The following TAFA5 variants were observed in gnomAD, a reference collection of about 807,000 sequenced individuals.
The protein encoded by TAFA5 is chemokine-like protein TAFA-5.
TAFA5 carries 6 observed loss-of-function variants against 15.3 expected under a neutral mutation model. The ratio of observed to expected loss-of-function variants is 0.39; its 90% CI spans 0.21 to 0.77. TAFA5 has a LOEUF of 0.77. Ranked by LOEUF, TAFA5 falls within the 30% of genes least tolerant of loss-of-function variation. The probability of loss-of-function intolerance (pLI) is 0.41; values close to 1 mark genes in which losing one functional copy is unlikely to be tolerated. For missense variants in TAFA5, 161 were observed against 193.1 expected, an observed-to-expected ratio of 0.83 and a Z score of 0.98; for synonymous variants, 103 against 80.7, an observed-to-expected ratio of 1.28 and a Z score of -1.48.
At chr22:48,686,796 T>C (rs971689176) in intron 2 of TAFA5, among the ~76,000 whole-genome samples, 1 of 149,404 alleles carries the variant, frequency 6.7e-6, no homozygotes, top group South Asian at 2.1e-4. Flanking sequence ...GGTAGACAAG[T>C]GGATGGATGG....
chr22:48,583,888 G>A (rs1182209440), intron 1 of TAFA5, among the ~76,000 whole-genome samples: 7 of 123,900 alleles, frequency 5.6e-5, no homozygotes, highest in Non-Finnish European at 6.8e-5. Context: ...ATACACACAC[G>A]CCACACACCA....
intron 1 of TAFA5, among the ~76,000 whole-genome samples, chr22:48,558,610 G>GT (rs1923120224): frequency 6.6e-6 from 1 of 152,244 alleles, no homozygotes; most frequent in Admixed American, 6.5e-5. Flanking sequence ...CTTCATTGCT[G>GT]TGGAATATTC....
At chr22:48,624,046 T>C (rs1197402151) in intron 1 of TAFA5, among the ~76,000 whole-genome samples, 1 of 152,218 alleles carries the variant, frequency 6.6e-6, no homozygotes, top group Admixed American at 6.5e-5. Flanking sequence ...CACGTGGTAT[T>C]ATTAGTTGTC....
intron 1 of TAFA5, among the ~76,000 whole-genome samples, chr22:48,574,216 G>A (rs939821621): frequency 1.3e-5 from 2 of 152,256 alleles, no homozygotes; most frequent in East Asian, 1.9e-4. Flanking sequence ...TGCTTGGCTG[G>A]TGTGAGGCTG....
chr22:48,627,472 A>T (rs908937066), intron 1 of TAFA5, among the ~76,000 whole-genome samples: 60 of 152,364 alleles, frequency 3.9e-4, no homozygotes, highest in African/African-American at 1.4e-3. Flanking sequence ...GCACGCAAAG[A>T]GTGCCTGTGA....
chr22:48,586,049 G>C (rs1924346932), intron 1 of TAFA5, among the ~76,000 whole-genome samples: 1 of 152,228 alleles, frequency 6.6e-6, no homozygotes, highest in Non-Finnish European at 1.5e-5. Context: ...TGCCCCTGCA[G>C]CCTTGTCCCC....
At chr22:48,542,012 G>T (rs1277644586) in intron 1 of TAFA5, among the ~76,000 whole-genome samples, 1 of 152,178 alleles carries the variant, frequency 6.6e-6, no homozygotes, top group East Asian at 1.9e-4. Flanking sequence ...AGCCGCTGTG[G>T]TTCTTGTCAC....
At chr22:48,678,384 A>G (rs1928044106) in intron 2 of TAFA5, among the ~76,000 whole-genome samples, 1 of 152,224 alleles carries the variant, frequency 6.6e-6, no homozygotes, top group South Asian at 2.1e-4. Flanking sequence ...TGCGGGGCAA[A>G]GACACAGGCC....
At chr22:48,527,723 C>T (rs925401385) in intron 1 of TAFA5, among the ~76,000 whole-genome samples, 1 of 152,228 alleles carries the variant, frequency 6.6e-6, no homozygotes, top group Admixed American at 6.5e-5. Context: ...CTGTGGGCCT[C>T]TGCCCTAGCT....
chr22:48,555,479 C>T (rs978299077), intron 1 of TAFA5, among the ~76,000 whole-genome samples: 1 of 152,232 alleles, frequency 6.6e-6, no homozygotes, highest in African/African-American at 2.4e-5. Flanking sequence ...TCCTGACTCT[C>T]ACTCTGACAA....
chr22:48,502,003 AG>A (rs1920954983), intron 1 of TAFA5, among the ~76,000 whole-genome samples: 1 of 152,196 alleles, frequency 6.6e-6, no homozygotes, highest in Non-Finnish European at 1.5e-5. Context: ...TTAAAGCTGG[AG>A]GGGCCGGTGA....
intron 1 of TAFA5, among the ~76,000 whole-genome samples, chr22:48,512,079 G>A (rs1383932104): frequency 2.0e-5 from 3 of 152,168 alleles, no homozygotes; most frequent in Non-Finnish European, 4.4e-5. Context: ...AGGGGCCCTC[G>A]CCACCCGATT....
chr22:48,707,819 C>T lies in TAFA5; in HGVS notation c.365C>T (p.Pro122Leu), dbSNP rs759247533. The change falls in exon 3 of 4, where the codon CCC (proline) becomes CTC (leucine). Residue 122 changes from proline (P) to leucine (L), a missense_variant. Transcript: ENST00000402357. ...INRSGWTCTQ[P>L]GGRIKTTTVS is the part of the protein sequence containing the mutation. ...CGGTCAGGCTGGACGTGCACGCAGC[C>T]CGGCGGGAGGATAAAGACCACCACG... 6.2e-7 allele frequency: 1 copy of T among 1,613,640 alleles called. No individual in the cohort carries two copies. Among genetic ancestry groups the T allele is most frequent in the Admixed American group, 1.7e-5 (1 of 60,022 alleles).
chr22:48,540,329 G>T (rs1922319834), intron 1 of TAFA5, among the ~76,000 whole-genome samples: 1 of 152,056 alleles, frequency 6.6e-6, no homozygotes, highest in Non-Finnish European at 1.5e-5. Context: ...CTGGGTGGAA[G>T]CCTGGAAAAC....
chr22:48,650,638 G>A (rs17764112), intron 2 of TAFA5, among the ~76,000 whole-genome samples: 27,400 of 152,208 alleles, frequency 0.18, 3,129 homozygotes, highest in Non-Finnish European at 0.24. Context: ...CTGAGCTAAA[G>A]CATTTCTGGG....
At chr22:48,549,265 AG>A (rs1443240197) in intron 1 of TAFA5, among the ~76,000 whole-genome samples, 1 of 152,232 alleles carries the variant, frequency 6.6e-6, no homozygotes, top group African/African-American at 2.4e-5. Flanking sequence ...CTTCCAGCCC[AG>A]GCCTGATGTT....
chr22:48,685,694 C>T (rs186065065), intron 2 of TAFA5, among the ~76,000 whole-genome samples: 199 of 152,026 alleles, frequency 1.3e-3, no homozygotes, highest in Non-Finnish European at 1.8e-3. Context: ...TCTGGGCTCT[C>T]CTTGGCCTAT....
intron 1 of TAFA5, among the ~76,000 whole-genome samples, chr22:48,561,035 C>T (rs557499047): frequency 6.6e-6 from 1 of 152,262 alleles, no homozygotes; most frequent in East Asian, 1.9e-4. Context: ...TTGTCTGGGT[C>T]TGGCTGTGGC....
intron 3 of TAFA5, among the ~76,000 whole-genome samples, chr22:48,736,970 T>A (rs937774370): frequency 2.0e-5 from 3 of 152,142 alleles, no homozygotes; most frequent in African/African-American, 4.8e-5. Context: ...GTGAATCATA[T>A]CTCAATAAAA....
Sources: allele counts gnomAD v4.1 joint callset (sites outside exome capture counted in the v4.1 genomes callset), GRCh38; gene constraint gnomAD v4.1.1; transcripts MANE v1.5; gene names NCBI Gene and HGNC (gene_info 2026-07-23, HGNC 2026-07-21).